The following SLC2A13 variants were observed in gnomAD, a reference collection of about 807,000 sequenced individuals.
The protein encoded by SLC2A13 is proton myo-inositol cotransporter.
In SLC2A13, 32 loss-of-function variants were observed where a neutral mutation model predicts 64.4. The ratio of observed to expected loss-of-function variants is 0.50; its 90% CI spans 0.37 to 0.67. The LOEUF (loss-of-function observed/expected upper bound fraction) is 0.67, where lower values mean the gene tolerates loss of function less well. Among genes scored for constraint, SLC2A13 ranks in the 30% least tolerant of loss-of-function variants. The pLI, the probability that SLC2A13 is intolerant of heterozygous loss-of-function variation, is 0.00. For missense variants in SLC2A13, 743 were observed against 829.2 expected, an observed-to-expected ratio of 0.90 and a Z score of 1.28; for synonymous variants, 338 against 327.1, an observed-to-expected ratio of 1.03 and a Z score of -0.36.
At chr12:40,071,140 A>G (rs1161133260) in intron 1 of SLC2A13, among the ~76,000 whole-genome samples, 1 of 152,156 alleles carries the variant, frequency 6.6e-6, no homozygotes, top group Non-Finnish European at 1.5e-5. Context: ...CATCTTAAAA[A>G]GTCCATTTTT....
chr12:40,039,926 G>A (rs1355772502), intron 2 of SLC2A13, among the ~76,000 whole-genome samples: 1 of 152,170 alleles, frequency 6.6e-6, no homozygotes, highest in African/African-American at 2.4e-5. Flanking sequence ...GTATAATAAA[G>A]AGTATTTTCA....
At chr12:40,032,630 T>C (rs1322768392) in intron 2 of SLC2A13, among the ~76,000 whole-genome samples, 1 of 152,198 alleles carries the variant, frequency 6.6e-6, no homozygotes, top group African/African-American at 2.4e-5. Flanking sequence ...GGGCCAGACC[T>C]CCTGCTATGG....
intron 6 of SLC2A13, among the ~76,000 whole-genome samples, chr12:39,849,557 C>T (rs1444453893): frequency 2.0e-5 from 3 of 152,142 alleles, no homozygotes; most frequent in African/African-American, 7.2e-5. Context: ...GCTTCTCTGA[C>T]TGAGGTGGTA....
At chr12:40,007,505 TA>T (rs35259285) in intron 3 of SLC2A13, among the ~76,000 whole-genome samples, 96,189 of 151,740 alleles carry the variant, frequency 0.63, 30,800 homozygotes, top group African/African-American at 0.71. Flanking sequence ...AACTTTTTTT[TA>T]AAAAAAGGTC....
chr12:39,851,261 TG>T (rs1943459739), intron 6 of SLC2A13, among the ~76,000 whole-genome samples: 1 of 152,158 alleles, frequency 6.6e-6, no homozygotes, highest in Admixed American at 6.6e-5. Context: ...GTTTCCAAAA[TG>T]GACAAATTAG....
intron 7 of SLC2A13, among the ~76,000 whole-genome samples, chr12:39,771,225 GC>G (rs1177111805): frequency 6.6e-6 from 1 of 152,094 alleles, no homozygotes; most frequent in East Asian, 1.9e-4. Flanking sequence ...TGATTTTCAT[GC>G]CTTGTGTAGT....
chr12:40,104,152 G>T (rs188229909), intron 1 of SLC2A13, among the ~76,000 whole-genome samples: 1 of 152,176 alleles, frequency 6.6e-6, no homozygotes. Flanking sequence ...CTTTCATCAA[G>T]CCCCAGCCAT....
At chr12:40,060,968 T>G (rs1242018303) in intron 1 of SLC2A13, among the ~76,000 whole-genome samples, 1 of 152,146 alleles carries the variant, frequency 6.6e-6, no homozygotes, top group Non-Finnish European at 1.5e-5. Flanking sequence ...TAAAGAAAGT[T>G]AATGTGCTTT....
intron 7 of SLC2A13, among the ~76,000 whole-genome samples, chr12:39,816,202 A>G (rs1180419981): frequency 1.3e-5 from 2 of 152,258 alleles, no homozygotes; most frequent in East Asian, 1.9e-4. Flanking sequence ...ATGATTCTCA[A>G]ATTAGCACAG....
chr12:39,763,365 G>C (rs371380046), intron 9 of SLC2A13, among the ~76,000 whole-genome samples: 1 of 152,176 alleles, frequency 6.6e-6, no homozygotes, highest in East Asian at 1.9e-4. Context: ...GGTCAGAAGA[G>C]ATGGGGAATA....
chr12:40,013,608 A>G (rs1054449617), intron 3 of SLC2A13, among the ~76,000 whole-genome samples: 4 of 152,222 alleles, frequency 2.6e-5, no homozygotes, highest in African/African-American at 9.6e-5. Flanking sequence ...AGCCCACTAT[A>G]TGACACAAGA....
intron 6 of SLC2A13, among the ~76,000 whole-genome samples, chr12:39,833,892 TAAAA>T (rs1161840484): frequency 1.2e-4 from 11 of 88,400 alleles, no homozygotes; most frequent in Admixed American, 9.4e-4. Context: ...AGCATGGTCA[TAAAA>T]AAAAAAAAAA....
chr12:39,996,810 T>G (rs1355778304), intron 3 of SLC2A13, among the ~76,000 whole-genome samples: 1 of 152,158 alleles, frequency 6.6e-6, no homozygotes. Context: ...TTAAAATACT[T>G]AGGAATATAC....
At chr12:39,906,526 A>C (rs1281161968) in intron 4 of SLC2A13, among the ~76,000 whole-genome samples, 1 of 152,152 alleles carries the variant, frequency 6.6e-6, no homozygotes, top group Non-Finnish European at 1.5e-5. Flanking sequence ...AACAGTTTCA[A>C]CTTGAAAGAA....
intron 4 of SLC2A13, among the ~76,000 whole-genome samples, chr12:39,898,299 C>G (rs901182411): frequency 2.6e-5 from 4 of 152,070 alleles, no homozygotes; most frequent in Non-Finnish European, 5.9e-5. Flanking sequence ...TAAGACAAGC[C>G]TTATACACCC....
At chr12:39,790,580 T>C (rs1004565796) in intron 7 of SLC2A13, among the ~76,000 whole-genome samples, 9 of 146,404 alleles carry the variant, frequency 6.1e-5, no homozygotes, top group African/African-American at 2.3e-4. Context: ...TAGTATTCCA[T>C]GGTGTATATG....
chr12:40,047,511 A>C (rs1181884106), intron 2 of SLC2A13, among the ~76,000 whole-genome samples: 1 of 152,218 alleles, frequency 6.6e-6, no homozygotes, highest in Non-Finnish European at 1.5e-5. Context: ...GTTTGTATTT[A>C]TTTTAAAGCA....
At chr12:39,893,885 A>C (rs182782752) in intron 4 of SLC2A13, among the ~76,000 whole-genome samples, 15 of 152,342 alleles carry the variant, frequency 9.8e-5, no homozygotes, top group Admixed American at 3.9e-4. Context: ...ATCCATATGA[A>C]ATTGAAAAAG....
At position 40,089,743 on chromosome 12, in the gene SLC2A13, T is replaced by C. The variant is rs1297252391; in HGVS notation, c.556+15510A>G. Among the ~76,000 whole-genome samples the C allele has an allele frequency of 2.0e-5, 3 of 152,236 alleles. No individual in the cohort carries two copies. The East Asian group carries it at 5.8e-4, about 29-fold the overall frequency. The stretch of plus-strand genomic sequence containing the variant: ...AAATATATTTAAAATGTAAAATATA[T>C]GGAGATATACATATTATAAATACAT... On this transcript the variant is annotated intron_variant, in intron 1 of 9. Transcript: ENST00000280871.
Sources: allele counts gnomAD v4.1 joint callset (sites outside exome capture counted in the v4.1 genomes callset), GRCh38; gene constraint gnomAD v4.1.1; transcripts MANE v1.5; gene names NCBI Gene and HGNC (gene_info 2026-07-23, HGNC 2026-07-21).